Variants in MBP observed in about 807,000 individuals in gnomAD.
MBP encodes Golli-MBP.
In MBP, 16 loss-of-function variants were observed where a neutral mutation model predicts 35.8. The observed-to-expected ratio is 0.45, with a 90% CI of 0.30 to 0.68. MBP has a LOEUF of 0.68. Ranked by LOEUF, MBP falls within the 30% of genes least tolerant of loss-of-function variation. MBP has a pLI of 0.08. For missense variants in MBP, 380 were observed against 404.7 expected (o/e 0.94, Z 0.52); for synonymous variants, 143 against 159.6 (o/e 0.90, Z 0.78).
intron 4 of MBP, chr18:77,015,708 T>G (rs1387028877): frequency 2.0e-6 from 2 of 985,362 alleles, no homozygotes; most frequent in Admixed American, 1.2e-4. Context: ...ACATTTGTGT[T>G]TCTCTTCAAC....
intron 2 of MBP, among the ~76,000 whole-genome samples, chr18:77,079,922 C>T (rs1193151901): frequency 2.6e-5 from 4 of 152,108 alleles, no homozygotes; most frequent in Admixed American, 6.5e-5. Context: ...CAACTCTCTC[C>T]GGGATTGAAC....
chr18:77,062,787 C>T (rs1974035398), intron 3 of MBP, among the ~76,000 whole-genome samples: 1 of 152,210 alleles, frequency 6.6e-6, no homozygotes, highest in Non-Finnish European at 1.5e-5. Context: ...ACAAACTTCT[C>T]AATGCGCCAA....
intron 1 of MBP, among the ~76,000 whole-genome samples, 190 bp downstream of exon 1, chr18:77,132,390 C>G (rs1217187600): frequency 6.6e-6 from 1 of 151,992 alleles, no homozygotes; most frequent in East Asian, 1.9e-4. Flanking sequence ...CCTAGGTTCT[C>G]CCTGCGCGTC....
At chr18:77,098,168 C>CTTTTTTTTTTTTTTTTTTT (rs3214873) in intron 2 of MBP, among the ~76,000 whole-genome samples, 64 of 108,512 alleles carry the variant, frequency 5.9e-4, no homozygotes, top group East Asian at 5.1e-3. Context: ...CAAGGACTTC[C>CTTTTTTTTTTTTTTTTTTT]TTTTTTTTTT....
chr18:77,095,518 G>T (rs941025716), intron 2 of MBP: 3 of 152,258 alleles, frequency 2.0e-5, no homozygotes, highest in Non-Finnish European at 1.5e-5. Context: ...TGACCGGAAG[G>T]AAGTGACTTT....
chr18:77,043,032 A>T (rs1973081173), intron 3 of MBP, among the ~76,000 whole-genome samples: 1 of 152,224 alleles, frequency 6.6e-6, no homozygotes. Flanking sequence ...CTACTTCTAG[A>T]TATACATAGT....
intron 3 of MBP, among the ~76,000 whole-genome samples, chr18:77,049,353 T>G (rs770409973): frequency 1.3e-5 from 2 of 152,246 alleles, no homozygotes; most frequent in Non-Finnish European, 2.9e-5. Flanking sequence ...TGATGCATGA[T>G]GAAGATGGAA....
intron 2 of MBP, among the ~76,000 whole-genome samples, chr18:77,098,996 A>C (rs1599242628): frequency 1.7e-5 from 2 of 116,874 alleles, no homozygotes; most frequent in East Asian, 2.5e-4. Context: ...CCTCCTCTCC[A>C]TCCTCCCCGT....
chr18:77,112,945 A>AT (rs909502716), intron 1 of MBP: 108 of 148,320 alleles, frequency 7.3e-4, no homozygotes, highest in Middle Eastern at 3.4e-3. Context: ...AAGGAGAGGG[A>AT]TTTTTTTTTT....
At chr18:76,982,479 C>T (rs934420081) in intron 8 of MBP, 7 of 152,354 alleles carry the variant, frequency 4.6e-5, no homozygotes, top group African/African-American at 1.2e-4. Context: ...CATGTATGTT[C>T]GTGGAAACTA....
chr18:76,984,710 G>A, intron 8 of MBP, 65 bp downstream of exon 8: 1 of 1,609,596 alleles, frequency 6.2e-7, no homozygotes, highest in Admixed American at 1.7e-5. Flanking sequence ...CTTGTACTCA[G>A]CTTAGTTGGG....
At chr18:77,012,459 A>G (rs141638921) in intron 4 of MBP, among the ~76,000 whole-genome samples, 1 of 152,378 alleles carries the variant, frequency 6.6e-6, no homozygotes, top group African/African-American at 2.4e-5. Flanking sequence ...AATAGTCACC[A>G]TAGAAAGACC....
rs557072727 is a variant in MBP at position 77,122,883 on chromosome 18, G to A, written c.-26+9697C>T. Among the ~76,000 whole-genome samples, 4 of 152,228 alleles carry A rather than the reference G, an allele frequency of 2.6e-5. No individual in the cohort carries two copies. The East Asian group carries it at 5.8e-4, about 22-fold the overall frequency. On this transcript the variant is annotated intron_variant, in intron 1 of 8. Coordinates refer to ENST00000355994, the MANE Select transcript of MBP (RefSeq NM_001025101.2). ...CAACATAATTCTGCCAGTTCTAGTC[G>A]TCATCATCCAGTCTACTCTACTCCT...
chr18:76,989,266 T>C lies in MBP; in HGVS notation c.682-354A>G, dbSNP rs184391790. Among the ~76,000 whole-genome samples the C allele has an allele frequency of 5.2e-4, 79 of 152,264 alleles. 1 individual carries two copies. Among genetic ancestry groups the C allele is most frequent in the African/African-American group, 1.9e-3 (78 of 41,552 alleles). ...CTAGGAGTAGCGGGCCCTCTGACATTCAGAGCTTCCAAGGGGATGTCCCCA... is the reference window on the plus strand; with the variant it reads ...CTAGGAGTAGCGGGCCCTCTGACATCCAGAGCTTCCAAGGGGATGTCCCCA... On this transcript the variant is annotated intron_variant, in intron 5 of 8. Transcript: ENST00000355994. The surrounding 1 kb of genome is among the most constrained non-coding windows in gnomAD (Gnocchi z 4.0).
intron 2 of MBP, among the ~76,000 whole-genome samples, chr18:77,098,802 C>A (rs547682762): frequency 6.6e-6 from 1 of 152,222 alleles, no homozygotes; most frequent in Non-Finnish European, 1.5e-5. Flanking sequence ...CGGCCCTAAA[C>A]GGCCTCTGAG....
At chr18:77,095,940 C>G (rs533237179) in intron 2 of MBP, among the ~76,000 whole-genome samples, 1 of 152,298 alleles carries the variant, frequency 6.6e-6, no homozygotes, top group Admixed American at 6.5e-5. Flanking sequence ...AATTTTACTG[C>G]AGAGAGAGAT....
intron 4 of MBP, among the ~76,000 whole-genome samples, chr18:76,992,396 C>T (rs770420861): frequency 6.6e-6 from 1 of 152,168 alleles, no homozygotes; most frequent in South Asian, 2.1e-4. Context: ...TAATCTCACT[C>T]GCCCGCTGCT....
chr18:77,105,343 G>A, intron 1 of MBP, 57 bp from the exon 2 acceptor site: 1 of 1,132,896 alleles, frequency 8.8e-7, no homozygotes, highest in South Asian at 1.2e-5. Flanking sequence ...AGTTTTCGAT[G>A]TTGTTTTTCC....
chr18:76,990,637 G>A, intron 4 of MBP, among the ~76,000 whole-genome samples: 1 of 152,192 alleles, frequency 6.6e-6, no homozygotes, highest in Non-Finnish European at 1.5e-5. Flanking sequence ...AGAGGGCTTA[G>A]AAGAGCCTGT....
Sources: allele counts gnomAD v4.1 joint callset (sites outside exome capture counted in the v4.1 genomes callset), GRCh38; gene constraint gnomAD v4.1.1; non-coding constraint Gnocchi (gnomAD v3.1); transcripts MANE v1.5; gene names NCBI Gene and HGNC (gene_info 2026-07-23, HGNC 2026-07-21).